The following MIIP variants were observed in gnomAD, a reference collection of about 807,000 sequenced individuals.
The protein encoded by MIIP is migration and invasion inhibitory protein.
A neutral mutation model predicts 44.8 loss-of-function variants in MIIP; 44 were observed. That is an observed-to-expected ratio of 0.98 (90% CI 0.77 to 1.26). The LOEUF is 1.26. Among genes scored for constraint, MIIP ranks in the 50% most tolerant of loss-of-function variants. The probability of loss-of-function intolerance (pLI) is 0.00; values close to 1 mark genes in which losing one functional copy is unlikely to be tolerated. For missense variants in MIIP, 496 were observed against 511.7 expected (o/e 0.97, Z 0.30); for synonymous variants, 225 against 218.3 (o/e 1.03, Z -0.27).
At chr1:12,025,028 C>CTTTTTTTTTTTTTTTTTTTTTTTTTTTT (rs147513513) in intron 4 of MIIP, among the ~76,000 whole-genome samples, 32 of 123,906 alleles carry the variant, frequency 2.6e-4, no homozygotes, top group Non-Finnish European at 3.5e-4. Flanking sequence ...AATTCCCTTC[C>CTTTTTTTTTTTTTTTTTTTTTTTTTTTT]TTTTTTTTTT....
chr1:12,028,690 G>C (rs1422362239), intron 4 of MIIP: 1 of 204,658 alleles, frequency 4.9e-6, no homozygotes, highest in African/African-American at 2.3e-5. Context: ...TTTTTTTTTG[G>C]TGGCTAGTTC....
chr1:12,029,286 G>C lies in MIIP; in HGVS notation c.715+5G>C. The C allele has an allele frequency of 6.2e-7, 1 of 1,612,834 alleles. No individual in the cohort carries two copies. The highest frequency in any genetic ancestry group is 8.5e-7 in the Non-Finnish European group (1 of 1,179,628). Reference sequence around the variant, plus strand: ...GCGTGGAGGAAGACCATGAATGTGAGTGCGGGCCCTCGGCTAGGCCGCTGA... The same window carrying C: ...GCGTGGAGGAAGACCATGAATGTGACTGCGGGCCCTCGGCTAGGCCGCTGA... On this transcript the variant is annotated splice_donor_5th_base_variant and intron_variant, in intron 6 of 9. Transcript: ENST00000235332.
intron 8 of MIIP, 93 bp from the exon 9 acceptor site, chr1:12,031,173 A>G: frequency 6.9e-7 from 1 of 1,452,970 alleles, no homozygotes; most frequent in Non-Finnish European, 9.2e-7. Context: ...CCTCCTTCCT[A>G]ATGGGGGGCA....
At chr1:12,028,258 G>A (rs1640145024) in intron 4 of MIIP, among the ~76,000 whole-genome samples, 3 of 152,134 alleles carry the variant, frequency 2.0e-5, no homozygotes. Context: ...GTTGGGGGCT[G>A]CCCCTACCTC....
intron 4 of MIIP, among the ~76,000 whole-genome samples, chr1:12,028,487 G>T (rs1640151066): frequency 6.6e-6 from 1 of 151,992 alleles, no homozygotes; most frequent in South Asian, 2.1e-4. Context: ...CCACCCCGGG[G>T]CCTTTGCGCT....
chr1:12,025,028 C>CTTTTTTTTTTT (rs147513513), intron 4 of MIIP, among the ~76,000 whole-genome samples: 230 of 123,528 alleles, frequency 1.9e-3, no homozygotes, highest in African/African-American at 2.2e-3. Flanking sequence ...AATTCCCTTC[C>CTTTTTTTTTTT]TTTTTTTTTT....
chr1:12,030,556 CTTTTTTTTTTTTTT>C (rs71568383), intron 8 of MIIP, among the ~76,000 whole-genome samples: 1 of 59,070 alleles, frequency 1.7e-5, no homozygotes, highest in Non-Finnish European at 3.1e-5. Flanking sequence ...GCTGCTGCTG[CTTTTTTTTTTTTTT>C]TTTTTTTTTG....
chr1:12,021,612 A>G lies in MIIP; in HGVS notation c.-82-33A>G, dbSNP rs918878099. On this transcript the variant is annotated intron_variant, in intron 1 of 9. Transcript: ENST00000235332. Reference sequence around the variant, plus strand: ...GGTCTCTGGCACCACAGGGCACCCTACTGAGCCCCGTGTCCTGCTGTCTTG... The same window carrying G: ...GGTCTCTGGCACCACAGGGCACCCTGCTGAGCCCCGTGTCCTGCTGTCTTG... 23 of 860,656 alleles carry G rather than the reference A, an allele frequency of 2.7e-5. No homozygotes were observed. In the African/African-American group the frequency reaches 3.2e-4, roughly 12 times the overall value. 53.3% of individuals were successfully genotyped at this position (860,656 alleles called of 1,614,324 possible). A position where few individuals can be genotyped will look rare whatever the true frequency, so the allele number is the denominator to read the frequency against.
intron 4 of MIIP, among the ~76,000 whole-genome samples, chr1:12,023,614 C>T (rs927073826): frequency 6.7e-5 from 10 of 149,634 alleles, no homozygotes; most frequent in East Asian, 2.0e-4. Flanking sequence ...GGGATTTCAC[C>T]GTGTTAGCTC....
chr1:12,031,984 G>A lies in MIIP; in HGVS notation c.*176G>A. ...CTGAGTTCCAGAGAGGGAGGACCCT[G>A]GGGTGGAGGGTGAGGGATTCTGTGG... is the stretch of plus-strand genomic sequence containing the variant. On this transcript the variant is annotated 3_prime_UTR_variant, in exon 10 of 10. Coordinates refer to ENST00000235332, the MANE Select transcript of MIIP (RefSeq NM_021933.4). 1 of 628,400 alleles carries A rather than the reference G, an allele frequency of 1.6e-6. No individual in the cohort carries two copies. The highest frequency in any genetic ancestry group is 4.3e-4 in the Middle Eastern group (1 of 2,320). The allele number at this position is 628,400 out of a possible 1,614,324, so 38.9% of individuals were successfully genotyped here.
intron 1 of MIIP, among the ~76,000 whole-genome samples, chr1:12,020,736 C>T (rs1337875876): frequency 6.6e-6 from 1 of 151,942 alleles, no homozygotes; most frequent in Non-Finnish European, 1.5e-5. Flanking sequence ...CAGGCTGGAG[C>T]GCAATGGTGC....
chr1:12,031,555 G>T (rs543883908), intron 9 of MIIP, 152 bp downstream of exon 9: 136 of 1,584,762 alleles, frequency 8.6e-5, no homozygotes, highest in Non-Finnish European at 1.1e-4. Flanking sequence ...CAGCCCTCCA[G>T]CCCTGACCCT....
rs374656152 is a variant in MIIP at position 12,029,789 on chromosome 1, G to T, written c.740G>T (p.Arg247Leu). The stretch of plus-strand genomic sequence containing the variant: ...GGCGTGTACTGTTACCGTGTCAACC[G>T]GCGCCTGTTCCCGGTGCCTGTGGAT... ...HECVYCYRVN[R>L]RLFPVPVDPG... Residue 247 changes from arginine (R) to leucine (L), a missense_variant, in exon 7 of 10, where the codon CGG becomes CTG. Coordinates refer to ENST00000235332, the MANE Select transcript of MIIP (RefSeq NM_021933.4). 3 of 1,613,076 alleles carry T rather than the reference G, an allele frequency of 1.9e-6. No homozygotes were observed. The highest frequency in any genetic ancestry group is 2.5e-6 in the Non-Finnish European group (3 of 1,179,510).
intron 1 of MIIP, among the ~76,000 whole-genome samples, chr1:12,019,926 A>G (rs1639933983): frequency 6.6e-6 from 1 of 152,250 alleles, no homozygotes; most frequent in Non-Finnish European, 1.5e-5. Flanking sequence ...CTGCGGATCA[A>G]ACAGTTGGCC....
At chr1:12,019,756 G>T (rs1337637448) in intron 1 of MIIP, among the ~76,000 whole-genome samples, 2 of 152,408 alleles carry the variant, frequency 1.3e-5, no homozygotes, top group East Asian at 3.9e-4. Flanking sequence ...CTTTCCCGGT[G>T]TCTCCGCTCA....
At chr1:12,022,673 G>T (rs969713364) in intron 3 of MIIP, among the ~76,000 whole-genome samples, 160 bp from the exon 4 acceptor site, 1 of 152,208 alleles carries the variant, frequency 6.6e-6, no homozygotes, top group African/African-American at 2.4e-5. Context: ...ACATAAAGTG[G>T]GGCCAAACGT....
chr1:12,031,852 C>A lies in MIIP; in HGVS notation c.*44C>A. The A allele has an allele frequency of 6.4e-7, 1 of 1,573,634 alleles. No homozygotes were observed. ...GAACAGCATTCCCGCCGCCTCCAGCCTCTCCCCTCTGGCAGGCGCACCCAG... is the reference window on the plus strand; with the variant it reads ...GAACAGCATTCCCGCCGCCTCCAGCATCTCCCCTCTGGCAGGCGCACCCAG... On this transcript the variant is annotated 3_prime_UTR_variant, in exon 10 of 10. Coordinates refer to ENST00000235332, the MANE Select transcript of MIIP (RefSeq NM_021933.4).
chr1:12,031,604 C>T, intron 9 of MIIP, 118 bp from the exon 10 acceptor site: 2 of 1,611,214 alleles, frequency 1.2e-6, no homozygotes, highest in Non-Finnish European at 1.7e-6. Context: ...TGCCGCCTGC[C>T]CTGCTCCACC....
rs752802674 is a variant in MIIP at position 12,029,069 on chromosome 1, C to T, written c.584C>T (p.Pro195Leu). 2.5e-6 allele frequency: 4 copies of T among 1,614,188 alleles called. 1 individual carries two copies. The South Asian group carries it at 4.4e-5, about 18-fold the overall frequency. Reference protein sequence around the residue: ...LDTSSSITSQPEAFFSKLQEF... With the variant: ...LDTSSSITSQLEAFFSKLQEF... ...ACCAGCTCTTCCATCACCAGCCAGC[C>T]TGAGGCCTTCTTCTCCAAGCTGCAG... The change falls in exon 5 of 10, where the codon CCT (proline) becomes CTT (leucine). Residue 195 changes from proline (P) to leucine (L), a missense_variant. Physicochemically the swap from Pro to Leu is moderately conservative, Grantham distance 98 (BLOSUM62 -3). Coordinates refer to ENST00000235332, the MANE Select transcript of MIIP (RefSeq NM_021933.4).
Sources: gnomAD v4.1 joint callset for allele counts (sites outside exome capture counted in the v4.1 genomes callset) on GRCh38, gnomAD v4.1.1 for gene constraint, MANE v1.5 for transcripts, NCBI Gene and HGNC (gene_info 2026-07-23, HGNC 2026-07-21) for gene names.